The following UNC5D variants were observed in gnomAD, a reference collection of about 807,000 sequenced individuals.
UNC5D encodes netrin receptor UNC5D.
Under a neutral mutation model 105.4 loss-of-function variants are expected in UNC5D, and 39 were observed. The observed-to-expected ratio is 0.37, with a 90% confidence interval of 0.29 to 0.48. UNC5D has a LOEUF of 0.48. Ranked by LOEUF, UNC5D falls within the 20% of genes least tolerant of loss-of-function variation. UNC5D has a pLI of 0.98. For synonymous variants in UNC5D, 452 were observed against 450.4 expected (o/e 1.00, Z -0.04); for missense variants, 991 against 1,202.4 (o/e 0.82, Z 2.60).
At chr8:35,653,873 G>A (rs1823572375) in intron 4 of UNC5D, among the ~76,000 whole-genome samples, 2 of 151,894 alleles carry the variant, frequency 1.3e-5, no homozygotes, top group African/African-American at 2.4e-5. Context: ...AATATCATCA[G>A]TCTTTGCAAA....
At position 35,341,840 on chromosome 8, in the gene UNC5D, G is replaced by A. The variant is rs575315485; in HGVS notation, c.103+105953G>A. On this transcript the variant is annotated intron_variant, in intron 1 of 16. Transcript: ENST00000404895. ...TTTCATAAGACACACTAAGGAAAAA[G>A]ATGTTGTATAGGTGGTTTATGCAAT... Among the ~76,000 whole-genome samples the A allele has an allele frequency of 5.3e-5, 8 of 152,190 alleles. No individual in the cohort carries two copies. The East Asian group carries it at 1.2e-3, about 22-fold the overall frequency.
chr8:35,494,600 C>T (rs1258389867), intron 1 of UNC5D, among the ~76,000 whole-genome samples: 1 of 152,170 alleles, frequency 6.6e-6, no homozygotes, highest in Admixed American at 6.5e-5. Flanking sequence ...CAGCACTCCC[C>T]ATTCAACTAC....
At chr8:35,258,738 C>T (rs1338458131) in intron 1 of UNC5D, among the ~76,000 whole-genome samples, 1 of 152,158 alleles carries the variant, frequency 6.6e-6, no homozygotes, top group African/African-American at 2.4e-5. Context: ...CATCAAAGAT[C>T]TTTCAGTTTA....
At chr8:35,511,643 CCAAT>C (rs1429351017) in intron 1 of UNC5D, among the ~76,000 whole-genome samples, 1 of 151,844 alleles carries the variant, frequency 6.6e-6, no homozygotes, top group Non-Finnish European at 1.5e-5. Flanking sequence ...CCAGGGTTAT[CCAAT>C]CTTTTGGCTT....
intron 1 of UNC5D, among the ~76,000 whole-genome samples, chr8:35,295,065 A>C (rs891045496): frequency 6.6e-6 from 1 of 152,206 alleles, no homozygotes; most frequent in South Asian, 2.1e-4. Context: ...TGAGCTCACT[A>C]CAATAGCAAC....
chr8:35,684,509 T>C, intron 5 of UNC5D, 73 bp from the exon 6 acceptor site: 2 of 1,538,690 alleles, frequency 1.3e-6, no homozygotes, highest in Non-Finnish European at 8.8e-7. Context: ...CCTGGCACAG[T>C]GGCTTGCACA....
chr8:35,572,331 A>C (rs1442582019), intron 3 of UNC5D, among the ~76,000 whole-genome samples: 3 of 151,740 alleles, frequency 2.0e-5, no homozygotes, highest in Non-Finnish European at 4.4e-5. Context: ...AACTGAAAAA[A>C]ACTGCATGGG....
intron 1 of UNC5D, among the ~76,000 whole-genome samples, chr8:35,453,852 A>G (rs1808321604): frequency 6.6e-6 from 1 of 152,074 alleles, no homozygotes; most frequent in Non-Finnish European, 1.5e-5. Context: ...CTGGAGTATA[A>G]AATTAACCTC....
rs991288828 is a variant in UNC5D at position 35,235,715 on chromosome 8, C to A, written c.-70C>A. On this transcript the variant is annotated 5_prime_UTR_variant, in exon 1 of 17. Transcript: ENST00000404895. ...CCCGAGACCCATTCGACTCGGGACC[C>A]TCATCGCCGACCCTTTCCCGGGCTC... 3.5e-6 allele frequency: 4 copies of A among 1,153,920 alleles called. No homozygotes were observed. The African/African-American group carries it at 4.8e-5, about 14-fold the overall frequency. 71.5% of individuals were successfully genotyped at this position (1,153,920 alleles called of 1,614,324 possible).
At chr8:35,609,264 A>G (rs774742144) in intron 4 of UNC5D, among the ~76,000 whole-genome samples, 4 of 152,154 alleles carry the variant, frequency 2.6e-5, no homozygotes, top group Non-Finnish European at 4.4e-5. Context: ...TTAGGTATGT[A>G]TAACATCATC....
chr8:35,733,809 CA>C (rs927213768), intron 11 of UNC5D, among the ~76,000 whole-genome samples: 3 of 152,074 alleles, frequency 2.0e-5, no homozygotes, highest in Admixed American at 6.5e-5. Flanking sequence ...AAGAGGGGTA[CA>C]GGGGTGAGGA....
At chr8:35,470,209 G>A (rs927108835) in intron 1 of UNC5D, among the ~76,000 whole-genome samples, 3 of 152,148 alleles carry the variant, frequency 2.0e-5, no homozygotes. Flanking sequence ...ACTAATGTAG[G>A]TCTGTGTGAA....
intron 7 of UNC5D, among the ~76,000 whole-genome samples, 165 bp from the exon 8 acceptor site, chr8:35,705,764 T>A (rs968701100): frequency 4.6e-5 from 7 of 152,292 alleles, no homozygotes; most frequent in South Asian, 4.1e-4. Context: ...AAAATTTTTT[T>A]AAAAAATAGA....
At chr8:35,260,477 T>C (rs1804409400) in intron 1 of UNC5D, among the ~76,000 whole-genome samples, 1 of 152,168 alleles carries the variant, frequency 6.6e-6, no homozygotes, top group African/African-American at 2.4e-5. Flanking sequence ...ATTATTATTG[T>C]TGTTGTTGTT....
intron 1 of UNC5D, among the ~76,000 whole-genome samples, chr8:35,318,615 C>T (rs1273642342): frequency 6.6e-6 from 1 of 152,008 alleles, no homozygotes; most frequent in Non-Finnish European, 1.5e-5. Flanking sequence ...AATGTGAGTA[C>T]CACATAATAG....
intron 1 of UNC5D, among the ~76,000 whole-genome samples, chr8:35,533,916 G>T (rs1814627283): frequency 6.6e-6 from 1 of 152,176 alleles, no homozygotes; most frequent in African/African-American, 2.4e-5. Context: ...TGCGCACGGT[G>T]CGCGCACCCA....
At chr8:35,249,883 T>G (rs961091235) in intron 1 of UNC5D, among the ~76,000 whole-genome samples, 1 of 152,084 alleles carries the variant, frequency 6.6e-6, no homozygotes, top group Admixed American at 6.6e-5. Flanking sequence ...GAAATAGTGG[T>G]CAGGCTTTGA....
At chr8:35,306,468 T>G (rs945325391) in intron 1 of UNC5D, among the ~76,000 whole-genome samples, 4 of 152,164 alleles carry the variant, frequency 2.6e-5, no homozygotes, top group Admixed American at 1.3e-4. Flanking sequence ...TGGTTTTGCC[T>G]GAATACTATG....
At chr8:35,785,071 A>C (rs1014853122) in intron 16 of UNC5D, among the ~76,000 whole-genome samples, 2 of 152,110 alleles carry the variant, frequency 1.3e-5, no homozygotes, top group African/African-American at 4.8e-5. Flanking sequence ...AAAAAAATCA[A>C]ACACACTCAG....
Sources: gnomAD v4.1 joint callset for allele counts (sites outside exome capture counted in the v4.1 genomes callset) on GRCh38, gnomAD v4.1.1 for gene constraint, MANE v1.5 for transcripts, NCBI Gene and HGNC (gene_info 2026-07-23, HGNC 2026-07-21) for gene names.